C21orf91: variants seen among roughly 807,000 people sequenced by gnomAD.
The protein encoded by C21orf91 is chromosome 21 open reading frame 91.
Under a neutral mutation model 32.9 loss-of-function variants are expected in C21orf91, and 26 were observed. The ratio of observed to expected loss-of-function variants is 0.79; its 90% CI spans 0.58 to 1.10. C21orf91 has a LOEUF of 1.10. Ranked by LOEUF, C21orf91 falls within the 50% of genes least tolerant of loss-of-function variation. C21orf91 has a pLI of 0.00. For missense variants in C21orf91, 310 were observed against 341.3 expected (o/e 0.91, Z 0.72); for synonymous variants, 126 against 120.4 (o/e 1.05, Z -0.31).
chr21:17,814,425 A>G (rs1022532109), intron 2 of C21orf91, among the ~76,000 whole-genome samples: 2 of 152,224 alleles, frequency 1.3e-5, no homozygotes, highest in Non-Finnish European at 2.9e-5. Flanking sequence ...AGAAGCAGAC[A>G]ATTTATTTTA....
At chr21:17,797,247 ATATTAGTAT>A in intron 2 of C21orf91, 129 bp from the exon 3 acceptor site, 1 of 576,612 alleles carries the variant, frequency 1.7e-6, no homozygotes, top group South Asian at 2.7e-5. Flanking sequence ...ATGCTAAAGA[ATATTAGTAT>A]TAATATACAA....
intron 2 of C21orf91, among the ~76,000 whole-genome samples, chr21:17,801,295 G>A (rs952732345): frequency 2.7e-5 from 4 of 149,822 alleles, no homozygotes; most frequent in Admixed American, 6.6e-5. Context: ...TTTTTAGACG[G>A]AGTCTCGCTC....
At chr21:17,808,883 A>C (rs1434096163) in intron 2 of C21orf91, 1 of 152,132 alleles carries the variant, frequency 6.6e-6, no homozygotes, top group Non-Finnish European at 1.5e-5. Flanking sequence ...ATATTGGAGG[A>C]GGGGCTTGGT....
rs1476809474 is a variant in C21orf91 at position 17,789,021 on chromosome 21, G to A, written c.*4394C>T. The A allele has an allele frequency of 1.3e-5, 2 of 151,960 alleles. No individual in the cohort carries two copies. Among genetic ancestry groups the A allele is most frequent in the African/African-American group, 4.8e-5 (2 of 41,368 alleles). The allele number at this position is 151,960 out of a possible 1,614,324, so 9.4% of individuals were successfully genotyped here. ...TTGTAAAATTAAAAATAGTAGACAAGCATATATACAGTTCCCAAGCAGAGC... is the reference window on the plus strand; with the variant it reads ...TTGTAAAATTAAAAATAGTAGACAAACATATATACAGTTCCCAAGCAGAGC... On this transcript the variant is annotated 3_prime_UTR_variant, in exon 5 of 5. Coordinates refer to ENST00000284881, the MANE Select transcript of C21orf91 (RefSeq NM_001100420.2).
At chr21:17,795,126 T>C in intron 4 of C21orf91, 82 bp downstream of exon 4, 1 of 866,418 alleles carries the variant, frequency 1.2e-6, no homozygotes, top group Non-Finnish European at 2.0e-6. Flanking sequence ...TAAATGTAGA[T>C]AAAGCCAGTG....
At position 17,796,965 on chromosome 21, in the gene C21orf91, ATCT is replaced by A; in HGVS notation, c.278_280del (p.Lys93del). The A allele has an allele frequency of 6.2e-7, 1 of 1,613,790 alleles. No individual in the cohort carries two copies. Among genetic ancestry groups the A allele is most frequent in the Non-Finnish European group, 8.5e-7 (1 of 1,179,776 alleles). The stretch of plus-strand genomic sequence containing the variant: ...TTGTGCATACTGCACAATCCAGTTT[ATCT>A]TCTTACTCAAAATGGTTTTAACTTC... On this transcript the variant is annotated inframe_deletion, in exon 3 of 5. Coordinates refer to ENST00000284881, the MANE Select transcript of C21orf91 (RefSeq NM_001100420.2).
At chr21:17,816,244 T>C (rs1447390288) in intron 2 of C21orf91, among the ~76,000 whole-genome samples, 1 of 152,230 alleles carries the variant, frequency 6.6e-6, no homozygotes, top group African/African-American at 2.4e-5. Flanking sequence ...TGCTGAGATA[T>C]TATCAGAGCT....
intron 2 of C21orf91, among the ~76,000 whole-genome samples, chr21:17,816,496 T>C (rs577518532): frequency 6.6e-6 from 1 of 152,342 alleles, no homozygotes; most frequent in Non-Finnish European, 1.5e-5. Flanking sequence ...TCAGCCCTAT[T>C]GCTATAAAAT....
Position 17,797,102 on chromosome 21 carries a change from A to T in C21orf91, c.144T>A (p.Asp48Glu), listed in dbSNP as rs1395616099. Residue 48 changes from aspartate to glutamate, a missense_variant, in exon 3 of 5, where the codon GAT becomes GAA. Physicochemically the swap from Asp to Glu is conservative, Grantham distance 45. Transcript: ENST00000284881. ...CCCTTAATGATTTGGTGTGCAAGAG[A>T]TCAGACTTTGGTACCCCTATGGAAA... ...ELNIEGVPKSDLLHTKSLRGH... is the reference protein window; with the variant it reads ...ELNIEGVPKSELLHTKSLRGH... The T allele has an allele frequency of 6.3e-7, 1 of 1,589,540 alleles. No homozygotes were observed. Among genetic ancestry groups the T allele is most frequent in the Non-Finnish European group, 8.5e-7 (1 of 1,170,122 alleles).
chr21:17,808,193 C>T (rs539004451), intron 2 of C21orf91, among the ~76,000 whole-genome samples: 1 of 152,238 alleles, frequency 6.6e-6, no homozygotes, highest in Admixed American at 6.5e-5. Flanking sequence ...GTCCCAGCCA[C>T]TTCAGCTCCA....
chr21:17,818,471 C>A, intron 1 of C21orf91, 146 bp from the exon 2 acceptor site: 2 of 660,218 alleles, frequency 3.0e-6, no homozygotes, highest in Non-Finnish European at 5.2e-6. Context: ...GCCATACTTG[C>A]ACTCCAACAT....
chr21:17,795,804 C>T (rs1600874938), intron 3 of C21orf91, among the ~76,000 whole-genome samples: 1 of 152,142 alleles, frequency 6.6e-6, no homozygotes, highest in East Asian at 1.9e-4. Flanking sequence ...CCCAGTACAT[C>T]ACCACCCTCC....
At chr21:17,810,409 T>C (rs924347461) in intron 2 of C21orf91, 5 of 152,258 alleles carry the variant, frequency 3.3e-5, no homozygotes, top group African/African-American at 7.2e-5. Context: ...AAATGTTCTA[T>C]TGACATAGTT....
In C21orf91 at chr21:17,791,128, G is replaced by C. The variant is rs2146240666; in HGVS notation, c.*2287C>G. 1 of 152,160 alleles carries C rather than the reference G, an allele frequency of 6.6e-6. No homozygotes were observed. Among genetic ancestry groups the C allele is most frequent in the Non-Finnish European group, 1.5e-5 (1 of 67,950 alleles). The allele number at this position is 152,160 out of a possible 1,614,324, so 9.4% of individuals were successfully genotyped here. Reference sequence around the variant, plus strand: ...TTGCATACACAGTAATTGCATATTTGATTAAGAAAACTAACATAGGACTAA... The same window carrying C: ...TTGCATACACAGTAATTGCATATTTCATTAAGAAAACTAACATAGGACTAA... On this transcript the variant is annotated 3_prime_UTR_variant, in exon 5 of 5. Transcript: ENST00000284881.
At chr21:17,796,521 T>C (rs1032949436) in intron 3 of C21orf91, 61 bp downstream of exon 3, 2 of 1,272,982 alleles carry the variant, frequency 1.6e-6, no homozygotes, top group African/African-American at 1.5e-5. Context: ...ATTACACATC[T>C]ATACAAATGT....
Position 17,802,995 on chromosome 21 carries a change from T to C in C21orf91, c.128-5877A>G, listed in dbSNP as rs112370084. On this transcript the variant is annotated intron_variant, in intron 2 of 4. Transcript: ENST00000284881. ...TATGCATTATCACATCAGTAGGAGATTGGAAAGCACTAAGAAAGCAAGCAC... is the reference window on the plus strand; with the variant it reads ...TATGCATTATCACATCAGTAGGAGACTGGAAAGCACTAAGAAAGCAAGCAC... 3.3e-5 allele frequency among the ~76,000 whole-genome samples: 5 copies of C among 152,274 alleles called. No individual in the cohort carries two copies. In the South Asian group the frequency reaches 6.2e-4, roughly 19 times the overall value.
intron 2 of C21orf91, among the ~76,000 whole-genome samples, chr21:17,812,321 C>A (rs773930332): frequency 3.3e-5 from 5 of 152,000 alleles, no homozygotes; most frequent in Admixed American, 6.6e-5. Flanking sequence ...AAAAAAATAA[C>A]CTTGAGCTTT....
intron 2 of C21orf91, among the ~76,000 whole-genome samples, chr21:17,798,307 A>C (rs1304905272): frequency 1.3e-5 from 2 of 152,216 alleles, no homozygotes; most frequent in Non-Finnish European, 2.9e-5. Flanking sequence ...GTATGAAATA[A>C]AGTATTAGCA....
intron 2 of C21orf91, among the ~76,000 whole-genome samples, chr21:17,799,823 A>G (rs2062546698): frequency 6.6e-6 from 1 of 152,200 alleles, no homozygotes; most frequent in Non-Finnish European, 1.5e-5. Context: ...GTGGGTACTC[A>G]AAAGTAGTTA....
Sources: gnomAD v4.1 joint callset for allele counts (sites outside exome capture counted in the v4.1 genomes callset) on GRCh38, gnomAD v4.1.1 for gene constraint, MANE v1.5 for transcripts, NCBI Gene and HGNC (gene_info 2026-07-23, HGNC 2026-07-21) for gene names.